Variants in DST observed in about 807,000 individuals in gnomAD.
DST encodes the protein dystonin, also known as bullous pemphigoid antigen.
DST carries 253 observed loss-of-function variants against 875.2 expected under a neutral mutation model. The ratio of observed to expected loss-of-function variants is 0.29; its 90% CI spans 0.26 to 0.32. DST has a LOEUF of 0.32. Ranked by LOEUF, DST falls within the 10% of genes least tolerant of loss-of-function variation. The pLI, the probability that DST is intolerant of heterozygous loss-of-function variation, is 1.00. For synonymous variants in DST, 3,124 were observed against 3,197.1 expected, an observed-to-expected ratio of 0.98 and a Z score of 0.77; for missense variants, 8,287 against 9,111.6, an observed-to-expected ratio of 0.91 and a Z score of 3.68.
intron 10 of DST, among the ~76,000 whole-genome samples, chr6:56,664,393 T>C (rs2099061350): frequency 6.6e-6 from 1 of 152,240 alleles, no homozygotes; most frequent in Admixed American, 6.5e-5. Context: ...AATTTTACTG[T>C]GATGCCTCGG....
chr6:56,782,349 G>T (rs566291020), intron 4 of DST, among the ~76,000 whole-genome samples: 3 of 152,190 alleles, frequency 2.0e-5, no homozygotes, highest in Admixed American at 1.3e-4. Context: ...AATCCATCTG[G>T]TCCTGGACTC....
intron 4 of DST, among the ~76,000 whole-genome samples, chr6:56,816,816 A>ATT (rs35624872): frequency 0.11 from 16,128 of 144,416 alleles, 1,124 homozygotes; most frequent in Middle Eastern, 0.17. Flanking sequence ...AAATAGGCTG[A>ATT]TTTTTTTTTT....
intron 93 of DST, among the ~76,000 whole-genome samples, chr6:56,473,050 T>C (rs2094975724): frequency 6.6e-6 from 1 of 152,240 alleles, no homozygotes; most frequent in African/African-American, 2.4e-5. Flanking sequence ...TTGTATGTAC[T>C]AGCTCATTTA....
chr6:56,542,115 T>A (rs1033469475), intron 61 of DST, among the ~76,000 whole-genome samples: 1 of 152,120 alleles, frequency 6.6e-6, no homozygotes, highest in African/African-American at 2.4e-5. Context: ...CTCCAGAAAT[T>A]TAAAAGACAA....
chr6:56,459,101 TCGGGGTG>T lies in DST; in HGVS notation c.23354_23360del (p.Thr7785LysfsTer43). 6.2e-7 allele frequency: 1 copy of T among 1,613,964 alleles called. No homozygotes were observed. The highest frequency in any genetic ancestry group is 8.5e-7 in the Non-Finnish European group (1 of 1,179,868). On this transcript the variant is annotated frameshift_variant, in exon 104 of 104. Coordinates refer to ENST00000680361, the MANE Select transcript of DST (RefSeq NM_001374736.1). LOFTEE classifies it high-confidence loss of function. ...TCGCTGTGGATGGCCGAGAACCTGC[TCGGGGTG>T]TAGGTCTGTGTGTCTGGGGGACAGT...
intron 3 of DST, among the ~76,000 whole-genome samples, chr6:56,867,792 C>CACTGCACTCCA (rs1774965670): frequency 6.6e-6 from 1 of 151,702 alleles, no homozygotes; most frequent in African/African-American, 2.4e-5. Flanking sequence ...GAGACCGCGC[C>CACTGCACTCCA]ACTGCACTCC....
At chr6:56,619,827 C>G (rs1181394114) in intron 36 of DST, 9 of 1,614,088 alleles carry the variant, frequency 5.6e-6, no homozygotes, top group Non-Finnish European at 7.6e-6. Flanking sequence ...AGCAAACGAG[C>G]CTTTTCCTCA....
intron 97 of DST, among the ~76,000 whole-genome samples, chr6:56,469,406 G>A (rs553071817): frequency 7.3e-5 from 11 of 151,324 alleles, no homozygotes; most frequent in Non-Finnish European, 1.5e-4. Context: ...CTTCTGTTTT[G>A]AAGAGAGTGA....
At position 56,506,449 on chromosome 6, in the gene DST, T is replaced by C. The variant is rs2096316584; in HGVS notation, c.19458A>G (p.Gly6486=). Residue 6486 remains glycine (G), a synonymous_variant, in exon 77 of 104, where the codon GGA becomes GGG. Coordinates refer to ENST00000680361, the MANE Select transcript of DST (RefSeq NM_001374736.1). ...TACACTGTAATCCCCTTACCTGCAG[T>C]CCATCCTGGTACTGAACGGCAGCCT... ...AMQAAVQYQD[G]LQAVFDWVDI... The C allele has an allele frequency of 1.2e-6, 2 of 1,611,758 alleles. No individual in the cohort carries two copies. The highest frequency in any genetic ancestry group is 1.7e-6 in the Non-Finnish European group (2 of 1,178,708).
At chr6:56,550,348 CA>C (rs923832379) in intron 61 of DST, among the ~76,000 whole-genome samples, 6 of 152,194 alleles carry the variant, frequency 3.9e-5, no homozygotes, top group African/African-American at 1.2e-4. Context: ...AATCTGAAAG[CA>C]AACAAACACA....
chr6:56,765,086 T>A (rs1014756293), intron 4 of DST, among the ~76,000 whole-genome samples: 2 of 151,966 alleles, frequency 1.3e-5, no homozygotes, highest in African/African-American at 2.4e-5. Flanking sequence ...GCCGTAAGAG[T>A]AGGAATAACT....
rs1196538179 is a variant in DST at position 56,532,219 on chromosome 6, T to C, written c.17108+125A>G. On this transcript the variant is annotated intron_variant, in intron 64 of 103. Transcript: ENST00000680361. The stretch of plus-strand genomic sequence containing the variant: ...AAGAGGCACTACAATCTTTGCTATC[T>C]CTGTTCACATACATGATAAACATAG... 5.3e-5 allele frequency: 46 copies of C among 866,822 alleles called. 1 individual carries two copies. Among genetic ancestry groups the C allele is most frequent in the Non-Finnish European group, 8.0e-5 (45 of 563,692 alleles). The allele number at this position is 866,822 out of a possible 1,614,324, so 53.7% of individuals were successfully genotyped here.
At chr6:56,477,846 CTAA>C (rs1373489751) in intron 90 of DST, among the ~76,000 whole-genome samples, 1 of 152,064 alleles carries the variant, frequency 6.6e-6, no homozygotes, top group African/African-American at 2.4e-5. Flanking sequence ...CTCTAGATTA[CTAA>C]TAATACCTAA....
At chr6:56,600,242 A>G (rs1563085740) in intron 44 of DST, 21 bp from the exon 45 acceptor site, 1 of 1,606,524 alleles carries the variant, frequency 6.2e-7, no homozygotes, top group Non-Finnish European at 8.5e-7. Context: ...GAAAACCCAA[A>G]ACATCTTAAA....
intron 3 of DST, among the ~76,000 whole-genome samples, chr6:56,872,821 T>G (rs1777849920): frequency 8.1e-6 from 1 of 123,640 alleles, no homozygotes; most frequent in Admixed American, 7.4e-5. Context: ...AATACACTGA[T>G]TCCCCCCCCC....
At chr6:56,618,955 T>C in intron 36 of DST, 7 of 1,614,186 alleles carry the variant, frequency 4.3e-6, no homozygotes, top group South Asian at 1.1e-5. Context: ...GTCGCTTCTC[T>C]TCTTTGGAAG....
At chr6:56,627,416 C>T in intron 33 of DST, 129 bp from the exon 34 acceptor site, 1 of 739,238 alleles carries the variant, frequency 1.4e-6, no homozygotes, top group African/African-American at 1.7e-5. Context: ...GCACTTAATA[C>T]ACAACTTGCC....
intron 83 of DST, 83 bp from the exon 84 acceptor site, chr6:56,493,172 T>C: frequency 7.9e-7 from 1 of 1,266,586 alleles, no homozygotes; most frequent in Admixed American, 2.4e-5. Context: ...CTCTGGCAGA[T>C]TCCTTTCCTA....
At chr6:56,497,801 T>C (rs1314360270) in intron 81 of DST, 55 bp downstream of exon 81, 1 of 1,426,176 alleles carries the variant, frequency 7.0e-7, no homozygotes, top group Non-Finnish European at 9.4e-7. Context: ...AAGAATTCCA[T>C]GCTATTTTGG....
Sources: gnomAD v4.1 joint callset for allele counts (sites outside exome capture counted in the v4.1 genomes callset) on GRCh38, gnomAD v4.1.1 for gene constraint, MANE v1.5 for transcripts, NCBI Gene and HGNC (gene_info 2026-07-23, HGNC 2026-07-21) for gene names.